The following GPALPP1 variants were observed in gnomAD, a reference collection of about 807,000 sequenced individuals.
GPALPP1 encodes GPALPP motifs containing 1, also known as GPALPP motifs-containing protein 1.
A neutral mutation model predicts 38.9 loss-of-function variants in GPALPP1; 30 were observed. That is an observed-to-expected ratio of 0.77 (90% CI 0.58 to 1.05). GPALPP1 has a LOEUF of 1.05. Ranked by LOEUF, GPALPP1 falls within the 50% of genes least tolerant of loss-of-function variation. The probability of loss-of-function intolerance (pLI) is 0.00; values close to 1 mark genes in which losing one functional copy is unlikely to be tolerated. For synonymous variants in GPALPP1, 120 were observed against 139.2 expected (o/e 0.86, Z 0.97); for missense variants, 384 against 408.8 (o/e 0.94, Z 0.52).
intron 1 of GPALPP1, among the ~76,000 whole-genome samples, chr13:44,999,137 T>C (rs566485769): frequency 1.3e-5 from 2 of 152,288 alleles, no homozygotes; most frequent in Non-Finnish European, 2.9e-5. Flanking sequence ...AAGAACAGAA[T>C]TGGTTTTGGG....
downstream of GPALPP1, chr13:45,033,183 TA>T (rs1387102268): frequency 6.6e-6 from 1 of 152,196 alleles, no homozygotes; most frequent in Non-Finnish European, 1.5e-5. Context: ...ATGTTAATAT[TA>T]AACTACTAAT....
intron 3 of GPALPP1, 125 bp from the exon 4 acceptor site, chr13:45,008,670 G>C: frequency 1.7e-6 from 1 of 594,926 alleles, no homozygotes; most frequent in South Asian, 2.3e-5. Context: ...TAAAAATAAA[G>C]TGTTAAATAA....
intron 1 of GPALPP1, among the ~76,000 whole-genome samples, chr13:44,998,186 T>C (rs1023107734): frequency 6.6e-6 from 1 of 152,236 alleles, no homozygotes; most frequent in African/African-American, 2.4e-5. Flanking sequence ...GTCTGCCCTT[T>C]GGTAACAATA....
intron 7 of GPALPP1, among the ~76,000 whole-genome samples, chr13:45,023,489 C>G (rs1875565019): frequency 6.6e-6 from 1 of 152,118 alleles, no homozygotes; most frequent in African/African-American, 2.4e-5. Context: ...ATCTTTATTT[C>G]TCCATTTTTG....
At chr13:45,019,008 AATATATATACAC>A in intron 6 of GPALPP1, among the ~76,000 whole-genome samples, 1 of 54,696 alleles carries the variant, frequency 1.8e-5, no homozygotes, top group Non-Finnish European at 5.4e-5. Context: ...TATACATATA[AATATATATACAC>A]ATATAAATAT....
chr13:45,020,294 T>C (rs765678462), intron 6 of GPALPP1, 36 bp from the exon 7 acceptor site: 3 of 782,496 alleles, frequency 3.8e-6, no homozygotes, highest in Non-Finnish European at 6.7e-6. Flanking sequence ...CTTAATCTTA[T>C]GATTCAGTAA....
At chr13:45,012,204 C>G (rs2137984516) in intron 4 of GPALPP1, among the ~76,000 whole-genome samples, 1 of 152,240 alleles carries the variant, frequency 6.6e-6, no homozygotes, top group Admixed American at 6.5e-5. Flanking sequence ...AAGTTCTGCT[C>G]TGTCTGTAAA....
At chr13:45,032,461 A>C (rs1048014352), downstream of GPALPP1, among the ~76,000 whole-genome samples, 1 of 151,892 alleles carries the variant, frequency 6.6e-6, no homozygotes, top group African/African-American at 2.4e-5. Context: ...GCTGGAGTGC[A>C]GTGGCGTGAT....
At chr13:44,993,080 A>AT (rs1449872539) in intron 1 of GPALPP1, among the ~76,000 whole-genome samples, 4 of 152,344 alleles carry the variant, frequency 2.6e-5, no homozygotes, top group Admixed American at 6.5e-5. Context: ...TTCACTTAGC[A>AT]TAATTTTTTC....
intron 1 of GPALPP1, among the ~76,000 whole-genome samples, chr13:44,999,576 T>C (rs969387409): frequency 2.0e-5 from 3 of 152,184 alleles, no homozygotes; most frequent in Non-Finnish European, 4.4e-5. Context: ...ACTGACACTT[T>C]TAATATTCTT....
intron 1 of GPALPP1, among the ~76,000 whole-genome samples, chr13:44,992,710 C>A (rs1257502852): frequency 6.6e-6 from 1 of 152,130 alleles, no homozygotes; most frequent in African/African-American, 2.4e-5. Context: ...TTGAACAGAC[C>A]ATCCTTTCAC....
Position 45,020,176 on chromosome 13 carries a change from C to T in GPALPP1, c.706-154C>T, listed in dbSNP as rs950193042. On this transcript the variant is annotated intron_variant, in intron 6 of 7. Transcript: ENST00000379151. ...GATTACAGGCGTGAGTCACTATGCC[C>T]GGCAAAGTATGTTAATATTTCTGAT... 4.6e-5 allele frequency among the ~76,000 whole-genome samples: 7 copies of T among 152,014 alleles called. No homozygotes were observed. In the East Asian group the frequency reaches 5.8e-4, roughly 13 times the overall value.
In GPALPP1 at chr13:44,989,626, A is replaced by T; in HGVS notation, c.-29A>T. The T allele has an allele frequency of 1.3e-6, 2 of 1,592,218 alleles. No individual in the cohort carries two copies. Among genetic ancestry groups the T allele is most frequent in the Non-Finnish European group, 1.7e-6 (2 of 1,161,224 alleles). ...AGGGTTGACGTTCGTGGATAGACTC[A>T]TATCTGTGACCAGTGTCCGCCACCG... On this transcript the variant is annotated 5_prime_UTR_variant, in exon 1 of 8. Coordinates refer to ENST00000379151, the MANE Select transcript of GPALPP1 (RefSeq NM_018559.5).
chr13:45,008,150 C>T (rs915443684), intron 3 of GPALPP1, among the ~76,000 whole-genome samples: 15 of 152,204 alleles, frequency 9.9e-5, no homozygotes, highest in African/African-American at 3.6e-4. Context: ...TTTAAGGAAA[C>T]AGATGCACTG....
At chr13:45,014,529 T>C (rs1013760933) in intron 4 of GPALPP1, among the ~76,000 whole-genome samples, 3 of 152,224 alleles carry the variant, frequency 2.0e-5, no homozygotes, top group Non-Finnish European at 4.4e-5. Flanking sequence ...TTTACAGTTT[T>C]GTTACAAGGA....
intron 1 of GPALPP1, chr13:44,990,083 AGCCCAT>A (rs1174359942): frequency 2.0e-6 from 1 of 497,882 alleles, no homozygotes; most frequent in Non-Finnish European, 3.5e-6. Context: ...GGTACGCCCA[AGCCCAT>A]GCCAGTGTCT....
At chr13:45,015,684 T>C in intron 6 of GPALPP1, 88 bp downstream of exon 6, 4 of 913,914 alleles carry the variant, frequency 4.4e-6, no homozygotes, top group Non-Finnish European at 6.1e-6. Context: ...TTAAGGGTAC[T>C]ATTTTTTAAA....
intron 6 of GPALPP1, among the ~76,000 whole-genome samples, chr13:45,016,778 G>C (rs1424772901): frequency 6.6e-6 from 1 of 152,100 alleles, no homozygotes; most frequent in African/African-American, 2.4e-5. Flanking sequence ...GCCTCCTGAG[G>C]AGCTGAGACT....
At chr13:45,036,983 T>C (rs1206167886) in exon 8 of GPALPP1, 1 of 152,072 alleles carries the variant, frequency 6.6e-6, no homozygotes, top group Non-Finnish European at 1.5e-5. Flanking sequence ...AGCAATAAAA[T>C]TCTGCAGAAC....
Sources: gnomAD v4.1 joint callset for allele counts (sites outside exome capture counted in the v4.1 genomes callset) on GRCh38, gnomAD v4.1.1 for gene constraint, MANE v1.5 for transcripts, NCBI Gene and HGNC (gene_info 2026-07-23, HGNC 2026-07-21) for gene names.